Variants in KATNIP observed in about 807,000 individuals in gnomAD.
The protein encoded by KATNIP is katanin interacting protein, also known as katanin-interacting protein.
Under a neutral mutation model 174.0 loss-of-function variants are expected in KATNIP, and 126 were observed. The ratio of observed to expected loss-of-function variants is 0.72; its 90% CI spans 0.63 to 0.84. The LOEUF is 0.84. Among genes scored for constraint, KATNIP ranks in the 40% least tolerant of loss-of-function variants. The pLI, the probability that KATNIP is intolerant of heterozygous loss-of-function variation, is 0.00. For synonymous variants in KATNIP, 810 were observed against 835.7 expected (o/e 0.97, Z 0.53); for missense variants, 1,958 against 2,109.7 (o/e 0.93, Z 1.41).
intron 13 of KATNIP, among the ~76,000 whole-genome samples, chr16:27,713,767 G>A (rs58520367): frequency 0.049 from 97 of 1,996 alleles, 3 homozygotes; most frequent in East Asian, 0.1. Context: ...GTGTGTATAT[G>A]TATATATACA....
chr16:27,624,976 G>A (rs2076291656), intron 3 of KATNIP, among the ~76,000 whole-genome samples: 1 of 152,170 alleles, frequency 6.6e-6, no homozygotes, highest in Non-Finnish European at 1.5e-5. Flanking sequence ...GTGTGCCATT[G>A]GAAAAAGTTG....
chr16:27,639,354 TC>T (rs1378706397), intron 5 of KATNIP, among the ~76,000 whole-genome samples: 1 of 152,150 alleles, frequency 6.6e-6, no homozygotes, highest in African/African-American at 2.4e-5. Context: ...ACTGTCCTTT[TC>T]CCCCCACCAC....
rs138592304 is a variant in KATNIP, at chr16:27,579,726, G to A, written c.63+5770G>A. The stretch of plus-strand genomic sequence containing the variant: ...ATGATAACGGAAGGCCGTTTTTGCA[G>A]TTGATTGGAGATTCCAAAAAATGCT... On this transcript the variant is annotated intron_variant, in intron 2 of 27. Coordinates refer to ENST00000261588, the MANE Select transcript of KATNIP (RefSeq NM_015202.5). 7.1e-4 allele frequency among the ~76,000 whole-genome samples: 108 copies of A among 152,234 alleles called. 2 individuals are homozygous for A. The East Asian group carries it at 0.015, about 21-fold the overall frequency.
At chr16:27,660,128 C>A in intron 6 of KATNIP, 1 of 434,562 alleles carries the variant, frequency 2.3e-6, no homozygotes, top group Non-Finnish European at 3.1e-6. Context: ...TTGGCTAAGT[C>A]ATACTCCTCT....
At chr16:27,697,496 A>G (rs1162454429) in intron 8 of KATNIP, among the ~76,000 whole-genome samples, 1 of 151,926 alleles carries the variant, frequency 6.6e-6, no homozygotes, top group African/African-American at 2.4e-5. Flanking sequence ...TAGTACACTG[A>G]CGCTTCCACC....
intron 1 of KATNIP, among the ~76,000 whole-genome samples, chr16:27,569,947 T>C (rs1318567703): frequency 6.6e-6 from 1 of 152,200 alleles, no homozygotes; most frequent in Non-Finnish European, 1.5e-5. Context: ...AAGGTCTTGC[T>C]ATGTTACCTA....
Position 27,749,639 on chromosome 16 carries a change from G to C in KATNIP, c.2679G>C (p.Glu893Asp). Residue 893 changes from glutamate to aspartate, a missense_variant, in exon 16 of 28, where the codon GAG (glutamate) becomes GAC (aspartate). By Grantham distance (45) the Glu-to-Asp change is conservative. Coordinates refer to ENST00000261588, the MANE Select transcript of KATNIP (RefSeq NM_015202.5). ...PSRSRWRSEQ[E>D]HTLHESWSSL... ...GGTCAAGGTGGCGCAGTGAGCAGGA[G>C]CACACACTTCACGAGTCATGGAGCT... 1 of 1,588,424 alleles carries C rather than the reference G, an allele frequency of 6.3e-7. No individual in the cohort carries two copies. Among genetic ancestry groups the C allele is most frequent in the Non-Finnish European group, 8.6e-7 (1 of 1,167,966 alleles).
chr16:27,681,598 G>C, intron 8 of KATNIP, 68 bp downstream of exon 8: 1 of 1,584,890 alleles, frequency 6.3e-7, no homozygotes, highest in Non-Finnish European at 8.7e-7. Context: ...GGGGTGCCAT[G>C]ATGGGAGGCC....
chr16:27,717,728 A>G (rs1182693669), intron 13 of KATNIP, among the ~76,000 whole-genome samples: 1 of 152,190 alleles, frequency 6.6e-6, no homozygotes, highest in East Asian at 1.9e-4. Context: ...TCTGAATGGC[A>G]GCACTGAGAT....
At chr16:27,668,619 C>T (rs951909816) in intron 6 of KATNIP, among the ~76,000 whole-genome samples, 1 of 152,212 alleles carries the variant, frequency 6.6e-6, no homozygotes, top group African/African-American at 2.4e-5. Context: ...CCTGGGTCTG[C>T]CATTACTGGC....
intron 1 of KATNIP, among the ~76,000 whole-genome samples, chr16:27,557,364 A>C: frequency 6.6e-6 from 1 of 150,834 alleles, no homozygotes; most frequent in East Asian, 1.9e-4. Context: ...CTGGTCTCGA[A>C]CTCCTGACCT....
chr16:27,586,565 A>T lies in KATNIP; in HGVS notation c.63+12609A>T, dbSNP rs1277853764. Among the ~76,000 whole-genome samples, 5 of 152,280 alleles carry T rather than the reference A, an allele frequency of 3.3e-5. No homozygotes were observed. The East Asian group carries it at 9.6e-4, about 29-fold the overall frequency. ...GAAATAAGGTCAGATGCAGTGGCTC[A>T]CAACTGTAATCCCAGCACTTTGGGA... On this transcript the variant is annotated intron_variant, in intron 2 of 27. Transcript: ENST00000261588.
At chr16:27,694,445 A>G (rs1357142618) in intron 8 of KATNIP, among the ~76,000 whole-genome samples, 3 of 152,152 alleles carry the variant, frequency 2.0e-5, no homozygotes, top group East Asian at 3.9e-4. Context: ...TTTTAGGCCA[A>G]CATTAATACC....
chr16:27,617,265 T>G (rs1567499212), intron 2 of KATNIP, among the ~76,000 whole-genome samples: 1 of 152,132 alleles, frequency 6.6e-6, no homozygotes. Flanking sequence ...TCAAATTATG[T>G]CATTAGGAAT....
intron 14 of KATNIP, among the ~76,000 whole-genome samples, chr16:27,736,025 G>A (rs948516899): frequency 5.9e-5 from 9 of 152,058 alleles, no homozygotes; most frequent in African/African-American, 1.9e-4. Context: ...ATTTTGAGAC[G>A]GAGCTTCACT....
chr16:27,729,542 AC>A (rs2080578400), intron 14 of KATNIP, among the ~76,000 whole-genome samples: 2 of 152,214 alleles, frequency 1.3e-5, no homozygotes. Flanking sequence ...TTCTCTTAGA[AC>A]ATAGGAGTCA....
At chr16:27,634,170 A>G (rs1353598300) in intron 5 of KATNIP, among the ~76,000 whole-genome samples, 1 of 152,150 alleles carries the variant, frequency 6.6e-6, no homozygotes, top group Non-Finnish European at 1.5e-5. Context: ...ATTAATTAGC[A>G]TCCTCCTCAG....
Position 27,752,587 on chromosome 16 carries a change from T to C in KATNIP, c.3552+663T>C, listed in dbSNP as rs576207491. Among the ~76,000 whole-genome samples the C allele has an allele frequency of 1.1e-4, 17 of 152,346 alleles. No homozygotes were observed. The South Asian group carries it at 3.3e-3, about 30-fold the overall frequency. On this transcript the variant is annotated intron_variant, in intron 17 of 27. Coordinates refer to ENST00000261588, the MANE Select transcript of KATNIP (RefSeq NM_015202.5). ...TTTGTTTAGAGATAGGGCCTGGCAC[T>C]GTCGCCCAGGCTGGAGTACACTAGC...
rs117435144 is a variant in KATNIP, at chr16:27,563,000, C to T, written c.8-10901C>T. ...TTTCAGCATTGTCTATTCAGAAATT[C>T]GGTCATTTACTCGTTCATCCATTTC... On this transcript the variant is annotated intron_variant, in intron 1 of 27. Coordinates refer to ENST00000261588, the MANE Select transcript of KATNIP (RefSeq NM_015202.5). Among the ~76,000 whole-genome samples the T allele has an allele frequency of 1.2e-3, 181 of 152,232 alleles. 6 individuals carry two copies. In the East Asian group the frequency reaches 0.024, roughly 20 times the overall value.
Sources: gnomAD v4.1 joint callset for allele counts (sites outside exome capture counted in the v4.1 genomes callset) on GRCh38, gnomAD v4.1.1 for gene constraint, MANE v1.5 for transcripts, NCBI Gene and HGNC (gene_info 2026-07-23, HGNC 2026-07-21) for gene names.